The following MYH9 variants were observed in gnomAD, a reference collection of about 807,000 sequenced individuals.
MYH9 encodes myosin heavy chain 9.
In MYH9, 29 loss-of-function variants were observed where a neutral mutation model predicts 241.9. The ratio of observed to expected loss-of-function variants is 0.12; its 90% confidence interval spans 0.09 to 0.16. MYH9 has a LOEUF of 0.16. Among genes scored for constraint, MYH9 ranks in the 10% least tolerant of loss-of-function variants. The probability of loss-of-function intolerance (pLI) is 1.00; values close to 1 mark genes in which losing one functional copy is unlikely to be tolerated. For missense variants in MYH9, 1,803 were observed against 2,595.5 expected (o/e 0.69, Z 6.63); for synonymous variants, 1,047 against 1,062.6 (o/e 0.99, Z 0.29).
intron 10 of MYH9, among the ~76,000 whole-genome samples, 200 bp from the exon 11 acceptor site, chr22:36,318,525 C>T (rs979595759): frequency 6.6e-6 from 1 of 152,152 alleles, no homozygotes; most frequent in Non-Finnish European, 1.5e-5. Flanking sequence ...ACACCTAGCA[C>T]CCCCCAGACT....
chr22:36,305,195 T>G lies in MYH9; in HGVS notation c.2160-93A>C. On this transcript the variant is annotated intron_variant, in intron 17 of 40. Transcript: ENST00000216181. This position sits in a 1 kb window ranked among gnomAD's most constrained non-coding sequence, Gnocchi z 4.7. ...CGAGAGATTAACATCATTTCTACAA[T>G]GCAACAGACACAGAATTCTTTACAC... 1 of 1,098,556 alleles carries G rather than the reference T, an allele frequency of 9.1e-7. No individual in the cohort carries two copies. Among genetic ancestry groups the G allele is most frequent in the Non-Finnish European group, 1.4e-6 (1 of 719,528 alleles). The allele number at this position is 1,098,556 out of a possible 1,614,324, so 68.1% of individuals were successfully genotyped here. A position where few individuals can be genotyped will look rare whatever the true frequency, so the allele number is the denominator to read the frequency against.
intron 1 of MYH9, among the ~76,000 whole-genome samples, chr22:36,353,964 G>A (rs1365641232): frequency 6.6e-6 from 1 of 152,136 alleles, no homozygotes; most frequent in Non-Finnish European, 1.5e-5. Context: ...GCAATGGCAC[G>A]ATCTCGGCTC....
chr22:36,293,276 G>A lies in MYH9; in HGVS notation c.4095+53C>T, dbSNP rs916827886. 5.7e-5 allele frequency: 92 copies of A among 1,610,826 alleles called. No homozygotes were observed. The highest frequency in any genetic ancestry group is 1.7e-4 in the Middle Eastern group (1 of 5,760). On this transcript the variant is annotated intron_variant, in intron 30 of 40. Transcript: ENST00000216181. This position sits in a 1 kb window ranked among gnomAD's most constrained non-coding sequence, Gnocchi z 5.1. ...TCCTGCAGTGCCCAGGCCAGTGCCC[G>A]GCCAGCAGCTCCCCAGCCTGCAGAG...
At chr22:36,373,333 C>T (rs1276679427) in intron 1 of MYH9, among the ~76,000 whole-genome samples, 1 of 152,190 alleles carries the variant, frequency 6.6e-6, no homozygotes, top group Non-Finnish European at 1.5e-5. Flanking sequence ...CCAAGCCTCC[C>T]TGTTGTCATG....
chr22:36,342,674 A>G (rs1337671559), intron 2 of MYH9, among the ~76,000 whole-genome samples: 1 of 151,976 alleles, frequency 6.6e-6, no homozygotes, highest in Non-Finnish European at 1.5e-5. Flanking sequence ...AAGACTCCCA[A>G]GACCACCCAG....
chr22:36,299,077 G>A (rs16996650), intron 23 of MYH9, 35 bp from the exon 24 acceptor site: 2 of 1,613,206 alleles, frequency 1.2e-6, no homozygotes, highest in Non-Finnish European at 8.5e-7. Flanking sequence ...ATTTAGTGTT[G>A]GTTGAGCACA....
At position 36,293,527 on chromosome 22, in the gene MYH9, C is replaced by A. The variant is rs781004886; in HGVS notation, c.3943-46G>T. 1 of 1,607,866 alleles carries A rather than the reference C, an allele frequency of 6.2e-7. No individual in the cohort carries two copies. The highest frequency in any genetic ancestry group is 1.1e-5 in the South Asian group (1 of 91,036). ...GTGCGGGTGCTTAGGAGGGTGGTGT[C>A]CAAAACCCAGGAACCCCACACCCTT... On this transcript the variant is annotated intron_variant, in intron 29 of 40. Coordinates refer to ENST00000216181, the MANE Select transcript of MYH9 (RefSeq NM_002473.6). This position sits in a 1 kb window ranked among gnomAD's most constrained non-coding sequence, Gnocchi z 5.1.
At position 36,284,412 on chromosome 22, in the gene MYH9, G is replaced by A; in HGVS notation, c.5583C>T (p.Tyr1861=). 1 of 1,612,508 alleles carries A rather than the reference G, an allele frequency of 6.2e-7. No individual in the cohort carries two copies. The highest frequency in any genetic ancestry group is 8.5e-7 in the Non-Finnish European group (1 of 1,180,014). ...VDDERRNAEQ[Y]KDQADKASTR... is the part of the protein sequence containing the mutation. Reference sequence around the variant, plus strand: ...CCACCAGCGCCCACACCTGGTCCTTGTACTGCTCGGCGTTCCTCCGCTCGT... The same window carrying A: ...CCACCAGCGCCCACACCTGGTCCTTATACTGCTCGGCGTTCCTCCGCTCGT... Residue 1861 remains tyrosine, a synonymous_variant, in exon 39 of 41, where the codon TAC becomes TAT. Transcript: ENST00000216181.
At chr22:36,351,047 C>T (rs542810501) in intron 1 of MYH9, among the ~76,000 whole-genome samples, 1 of 152,274 alleles carries the variant, frequency 6.6e-6, no homozygotes, top group South Asian at 2.1e-4. Flanking sequence ...CCCAAGGAGG[C>T]TGGGGGCATG....
intron 1 of MYH9, among the ~76,000 whole-genome samples, chr22:36,382,758 A>G (rs577352867): frequency 1.7e-3 from 264 of 152,198 alleles, no homozygotes; most frequent in Non-Finnish European, 2.9e-3. Context: ...AGCCAAGATC[A>G]TGCCACTGTA....
intron 3 of MYH9, among the ~76,000 whole-genome samples, chr22:36,337,988 C>A (rs560127460): frequency 1.4e-4 from 21 of 151,408 alleles, no homozygotes; most frequent in African/African-American, 4.9e-4. Context: ...AAAGAAGGAA[C>A]TTTCTTTTCT....
intron 1 of MYH9, among the ~76,000 whole-genome samples, chr22:36,386,695 G>A (rs1480794341): frequency 6.6e-6 from 1 of 152,054 alleles, no homozygotes; most frequent in Admixed American, 6.6e-5. Context: ...GGGTGGGGCC[G>A]TGCGCTCACC....
At position 36,304,172 on chromosome 22, in the gene MYH9, G is replaced by A. The variant is rs1403976732; in HGVS notation, c.2230-17C>T. 1.2e-6 allele frequency: 2 copies of A among 1,613,102 alleles called. No homozygotes were observed. The highest frequency in any genetic ancestry group is 3.3e-5 in the Admixed American group (2 of 60,018). Reference sequence around the variant, plus strand: ...GGCTTTTATCTAGGTGGGAGGAGCAGGCCGTTTACCTGGCCAGCAACTGGC... The same window carrying A: ...GGCTTTTATCTAGGTGGGAGGAGCAAGCCGTTTACCTGGCCAGCAACTGGC... On this transcript the variant is annotated splice_polypyrimidine_tract_variant and intron_variant, in intron 18 of 40. Transcript: ENST00000216181.
intron 1 of MYH9, among the ~76,000 whole-genome samples, chr22:36,381,636 G>A (rs182011238): frequency 1.3e-5 from 2 of 152,032 alleles, no homozygotes; most frequent in African/African-American, 4.8e-5. Flanking sequence ...TGCATGCACA[G>A]AGCAGAGTTT....
In MYH9 at chr22:36,320,463, T is replaced by G; in HGVS notation, c.869-100A>C. On this transcript the variant is annotated intron_variant, in intron 8 of 40. Transcript: ENST00000216181. The surrounding 1 kb of genome is among the most constrained non-coding windows in gnomAD (Gnocchi z 4.8). ...AGGTTGGAGAGACTGGGACAGACCC[T>G]GAGCCCTGACGCACCCTGGAAACCG... 1 of 1,511,640 alleles carries G rather than the reference T, an allele frequency of 6.6e-7. No homozygotes were observed. The highest frequency in any genetic ancestry group is 9.1e-7 in the Non-Finnish European group (1 of 1,101,714). 93.6% of individuals were successfully genotyped at this position (1,511,640 alleles called of 1,614,324 possible). A position where few individuals can be genotyped will look rare whatever the true frequency, so the allele number is the denominator to read the frequency against.
At chr22:36,319,444 A>G (rs2017213731) in intron 10 of MYH9, 96 bp downstream of exon 10, 1 of 1,125,920 alleles carries the variant, frequency 8.9e-7, no homozygotes, top group Non-Finnish European at 1.3e-6. Flanking sequence ...CATTAAAAAG[A>G]ATAGTGTCCG....
At position 36,319,558 on chromosome 22, in the gene MYH9, A is replaced by C; in HGVS notation, c.1090T>G (p.Ser364Ala). 6.2e-7 allele frequency: 1 copy of C among 1,614,056 alleles called. No individual in the cohort carries two copies. The highest frequency in any genetic ancestry group is 8.5e-7 in the Non-Finnish European group (1 of 1,180,016). ...GTGTTACCTGTGTTGTCGGGCATGGACGCCTGGTCAGTGTTCCGCTCCTTC... is the reference window on the plus strand; with the variant it reads ...GTGTTACCTGTGTTGTCGGGCATGGCCGCCTGGTCAGTGTTCCGCTCCTTC... ...FKKERNTDQA[S>A]MPDNTAAQKV... The change falls in exon 10 of 41, where the codon TCC becomes GCC. Residue 364 changes from serine to alanine, a missense_variant. By Grantham distance (99) the Ser-to-Ala change is moderately conservative (BLOSUM62 1). Transcript: ENST00000216181.
intron 7 of MYH9, 38 bp downstream of exon 7, chr22:36,321,720 G>A (rs199750506): frequency 1.4e-5 from 23 of 1,592,486 alleles, no homozygotes; most frequent in Middle Eastern, 1.7e-4. Flanking sequence ...CCTCCCCTCC[G>A]GATCCAGGAC....
chr22:36,319,429 A>G, intron 10 of MYH9, 111 bp downstream of exon 10: 3 of 994,942 alleles, frequency 3.0e-6, no homozygotes, highest in Non-Finnish European at 3.1e-6. Flanking sequence ...ACCGACAGAT[A>G]CTAACATTAA....
Sources: allele counts gnomAD v4.1 joint callset (sites outside exome capture counted in the v4.1 genomes callset), GRCh38; gene constraint gnomAD v4.1.1; non-coding constraint Gnocchi (gnomAD v3.1); transcripts MANE v1.5; gene names NCBI Gene and HGNC (gene_info 2026-07-23, HGNC 2026-07-21).